ZNF280C: variants seen among roughly 807,000 people sequenced by gnomAD.
The protein encoded by ZNF280C is suppressor of hairy wing homolog 3.
A neutral mutation model predicts 53.6 loss-of-function variants in ZNF280C; 14 were observed. The observed-to-expected ratio is 0.26, with a 90% CI of 0.17 to 0.41. The LOEUF (loss-of-function observed/expected upper bound fraction) is 0.41. Ranked by LOEUF, ZNF280C falls within the 10% of genes least tolerant of loss-of-function variation. The probability of loss-of-function intolerance (pLI) is 1.00; values close to 1 mark genes in which losing one functional copy is unlikely to be tolerated. For synonymous variants in ZNF280C, 203 were observed against 181.1 expected (o/e 1.12, Z -0.97); for missense variants, 416 against 547.1 (o/e 0.76, Z 2.39).
chrX:130,251,282 CA>C (rs61571389), intron 2 of ZNF280C, among the ~76,000 whole-genome samples: 393 of 15,309 alleles, frequency 0.026, 3 homozygotes, highest in South Asian at 0.073. Flanking sequence ...GGACCTGTCT[CA>C]AAAAAAAAAA....
chrX:130,237,437 T>C (rs749942905), intron 6 of ZNF280C, among the ~76,000 whole-genome samples: 1 of 111,943 alleles, frequency 8.9e-6, no homozygotes, highest in African/African-American at 3.2e-5. Flanking sequence ...TTGCTAAAGA[T>C]AGTTCTGAGT....
chrX:130,204,723 G>T lies in ZNF280C; in HGVS notation c.*254C>A, dbSNP rs1340827561. 1 of 274,566 alleles carries T rather than the reference G, an allele frequency of 3.6e-6. No individual in the cohort carries two copies. The highest frequency in any genetic ancestry group is 6.3e-6 in the Non-Finnish European group (1 of 157,909). 22.6% of individuals were successfully genotyped at this position (274,566 alleles called of 1,213,427 possible). ...CTGAAGGCAAGTCAAGTATAGCAGA[G>T]AAAAACAAAAGGCATTTTTGGAGAG... On this transcript the variant is annotated 3_prime_UTR_variant, in exon 19 of 19. Transcript: ENST00000370978.
chrX:130,213,091 C>A (rs1201904680), intron 15 of ZNF280C, among the ~76,000 whole-genome samples: 1 of 110,556 alleles, frequency 9.0e-6, no homozygotes, highest in East Asian at 2.8e-4. Flanking sequence ...TGGTGGCTCA[C>A]GCCTGTAATC....
At chrX:130,251,803 A>C (rs1168197391) in intron 2 of ZNF280C, among the ~76,000 whole-genome samples, 103 of 104,928 alleles carry the variant, frequency 9.8e-4, no homozygotes, top group African/African-American at 3.3e-3. Context: ...AAAAAAAAAA[A>C]CAAAAACAAA....
At chrX:130,212,972 G>A (rs187361969) in intron 15 of ZNF280C, among the ~76,000 whole-genome samples, 2 of 112,162 alleles carry the variant, frequency 1.8e-5, no homozygotes, top group African/African-American at 3.2e-5. Context: ...TGAGAAAAAC[G>A]AAAAGTATGA....
At chrX:130,231,954 A>G (rs775245740) in intron 8 of ZNF280C, among the ~76,000 whole-genome samples, 1 of 107,889 alleles carries the variant, frequency 9.3e-6, no homozygotes, top group South Asian at 4.3e-4. Context: ...TTGAACCCGT[A>G]AGGCGGAGGT....
At chrX:130,255,943 G>A (rs1473189671) in intron 2 of ZNF280C, among the ~76,000 whole-genome samples, 5 of 111,203 alleles carry the variant, frequency 4.5e-5, no homozygotes, top group Non-Finnish European at 9.4e-5. Context: ...CTGGGTGATG[G>A]AGAGTCTCAC....
At chrX:130,207,513 C>A (rs1307252243) in intron 16 of ZNF280C, among the ~76,000 whole-genome samples, 2 of 110,890 alleles carry the variant, frequency 1.8e-5, no homozygotes, top group Non-Finnish European at 3.8e-5. Flanking sequence ...CGCACACCAC[C>A]ATGCCCGGCT....
intron 2 of ZNF280C, among the ~76,000 whole-genome samples, chrX:130,249,227 G>A (rs1322576893): frequency 8.9e-6 from 1 of 111,780 alleles, no homozygotes; most frequent in African/African-American, 3.3e-5. Context: ...GTTGCCACCT[G>A]GGGCCCCTGC....
chrX:130,224,137 G>A (rs2032197099), intron 12 of ZNF280C, among the ~76,000 whole-genome samples: 1 of 111,726 alleles, frequency 9.0e-6, no homozygotes, highest in Non-Finnish European at 1.9e-5. Context: ...GGGAGGTGGA[G>A]CCTTCGGAAA....
At position 130,266,174 on chromosome X, in the gene ZNF280C, TATTG is replaced by T. The variant is rs1401325450; in HGVS notation, c.-17+2584_-17+2587del. Among the ~76,000 whole-genome samples the T allele has an allele frequency of 1.1e-4, 12 of 112,550 alleles. No homozygotes were observed. The East Asian group carries it at 2.2e-3, about 21-fold the overall frequency. On this transcript the variant is annotated intron_variant, in intron 1 of 18. Transcript: ENST00000370978. ...AAAACAAATTTAATGAGAAAAGTAA[TATTG>T]ATTTACATTTTTGCAAATGTCTTTA...
At chrX:130,257,215 A>G (rs2032584466) in intron 2 of ZNF280C, among the ~76,000 whole-genome samples, 1 of 109,118 alleles carries the variant, frequency 9.2e-6, no homozygotes, top group South Asian at 3.9e-4. Flanking sequence ...AAAAAAAAAA[A>G]AAAAGGCTCT....
At chrX:130,244,909 C>A (rs1378013224) in intron 3 of ZNF280C, among the ~76,000 whole-genome samples, 1 of 110,424 alleles carries the variant, frequency 9.1e-6, no homozygotes, top group Non-Finnish European at 1.9e-5. Context: ...GTAAACATTA[C>A]GGAAGTCTTC....
chrX:130,245,315 T>C lies in ZNF280C; in HGVS notation c.179-1450A>G, dbSNP rs761921357. Among the ~76,000 whole-genome samples, 4 of 111,933 alleles carry C rather than the reference T, an allele frequency of 3.6e-5. No individual in the cohort carries two copies. In the East Asian group the frequency reaches 1.1e-3, roughly 31 times the overall value. On this transcript the variant is annotated intron_variant, in intron 3 of 18. Transcript: ENST00000370978. ...TCTTGTCATGCTTCAATAAGATGAT[T>C]TGAGTAATAATTTTGAAATATGGTA...
intron 12 of ZNF280C, among the ~76,000 whole-genome samples, chrX:130,225,964 T>C (rs1271563350): frequency 8.9e-6 from 1 of 112,092 alleles, no homozygotes; most frequent in East Asian, 2.8e-4. Context: ...ACTATTGCTG[T>C]TTCAAACACT....
intron 16 of ZNF280C, among the ~76,000 whole-genome samples, chrX:130,206,948 TCTAAATCTTATGG>T (rs1236265524): frequency 8.9e-6 from 1 of 112,130 alleles, no homozygotes; most frequent in Non-Finnish European, 1.9e-5. Flanking sequence ...TATTGCCTGA[TCTAAATCTTATGG>T]CAACCCAAAG....
chrX:130,232,451 A>G (rs748167052), intron 8 of ZNF280C, among the ~76,000 whole-genome samples: 1 of 110,235 alleles, frequency 9.1e-6, no homozygotes, highest in African/African-American at 3.3e-5. Flanking sequence ...CTATCTGAGA[A>G]AGGGTTAAAA....
At chrX:130,238,509 C>T (rs779638274) in intron 6 of ZNF280C, among the ~76,000 whole-genome samples, 1 of 111,290 alleles carries the variant, frequency 9.0e-6, no homozygotes, top group South Asian at 3.7e-4. Flanking sequence ...AACTATAATC[C>T]TATTTACTAT....
intron 2 of ZNF280C, among the ~76,000 whole-genome samples, chrX:130,252,986 G>T (rs1487621255): frequency 9.0e-6 from 1 of 111,716 alleles, no homozygotes; most frequent in Non-Finnish European, 1.9e-5. Context: ...ATCCCTGTTT[G>T]CAGACAGCAT....
Sources: gnomAD v4.1 joint callset for allele counts (sites outside exome capture counted in the v4.1 genomes callset) on GRCh38, gnomAD v4.1.1 for gene constraint, MANE v1.5 for transcripts, NCBI Gene and HGNC (gene_info 2026-07-23, HGNC 2026-07-21) for gene names.